Variants in RC3H1 observed in about 807,000 individuals in gnomAD.
RC3H1 encodes roquin-1.
Under a neutral mutation model 138.2 loss-of-function variants are expected in RC3H1, and 50 were observed. The ratio of observed to expected loss-of-function variants is 0.36; its 90% CI spans 0.29 to 0.46. The LOEUF is 0.46. Among genes scored for constraint, RC3H1 ranks in the 20% least tolerant of loss-of-function variants. The pLI is 1.00. For synonymous variants in RC3H1, 462 were observed against 489.1 expected (o/e 0.94, Z 0.73); for missense variants, 1,031 against 1,388.1 (o/e 0.74, Z 4.09).
intron 1 of RC3H1, among the ~76,000 whole-genome samples, chr1:174,010,665 C>G (rs752462523): frequency 8.6e-6 from 1 of 116,066 alleles, no homozygotes. Context: ...CCTCCTGCCT[C>G]GGCCTCCCAG....
At chr1:174,005,891 G>A (rs1372029925) in intron 1 of RC3H1, among the ~76,000 whole-genome samples, 1 of 152,084 alleles carries the variant, frequency 6.6e-6, no homozygotes, top group Non-Finnish European at 1.5e-5. Flanking sequence ...GATGTTGTTA[G>A]TCCTTACTGG....
At chr1:173,940,646 C>CT (rs11447877) in intron 19 of RC3H1, among the ~76,000 whole-genome samples, 42,629 of 149,248 alleles carry the variant, frequency 0.29, 10,717 homozygotes, top group African/African-American at 0.68. Context: ...TTTGTTTTTT[C>CT]TTTTTTTTTA....
rs546917589 is a variant in RC3H1, at chr1:173,967,485, T to C, written c.1335-2365A>G. Among the ~76,000 whole-genome samples the C allele has an allele frequency of 3.3e-5, 5 of 152,344 alleles. No homozygotes were observed. In the East Asian group the frequency reaches 7.7e-4, roughly 23 times the overall value. On this transcript the variant is annotated intron_variant, in intron 9 of 19. Coordinates refer to ENST00000367696, the MANE Select transcript of RC3H1 (RefSeq NM_172071.4). ...TACTGATCATGAAGAAAAACGTCTT[T>C]CAAAACCTCATCAAATACTGGGTAG...
At chr1:173,946,031 T>C (rs1249092615) in intron 17 of RC3H1, among the ~76,000 whole-genome samples, 1 of 152,048 alleles carries the variant, frequency 6.6e-6, no homozygotes, top group Admixed American at 6.5e-5. Context: ...TCGCTGAGTA[T>C]GGTGGTGTAC....
chr1:174,005,612 A>G (rs1661640067), intron 1 of RC3H1, among the ~76,000 whole-genome samples: 1 of 152,158 alleles, frequency 6.6e-6, no homozygotes, highest in African/African-American at 2.4e-5. Flanking sequence ...CAAACACAAC[A>G]TGCCTAAATT....
chr1:173,962,768 T>A (rs1033149467), intron 11 of RC3H1, among the ~76,000 whole-genome samples: 1 of 152,216 alleles, frequency 6.6e-6, no homozygotes, highest in African/African-American at 2.4e-5. Context: ...CTGCTTAATA[T>A]AGCTAAAATA....
chr1:173,937,528 A>C lies in RC3H1; in HGVS notation c.*1193T>G, dbSNP rs999027855. Reference sequence around the variant, plus strand: ...TATGTGCAGCAGAATTAAAAAAAAAAAAAACCTTACTCTTTTCAATATTTT... The same window carrying C: ...TATGTGCAGCAGAATTAAAAAAAAACAAAACCTTACTCTTTTCAATATTTT... On this transcript the variant is annotated 3_prime_UTR_variant, in exon 20 of 20. Coordinates refer to ENST00000367696, the MANE Select transcript of RC3H1 (RefSeq NM_172071.4). 14 of 152,636 alleles carry C rather than the reference A, an allele frequency of 9.2e-5. No individual in the cohort carries two copies. Among genetic ancestry groups the C allele is most frequent in the African/African-American group, 3.1e-4 (13 of 41,562 alleles). The allele number at this position is 152,636 out of a possible 1,614,324, so 9.5% of individuals were successfully genotyped here. A position where few individuals can be genotyped will look rare whatever the true frequency, so the allele number is the denominator to read the frequency against.
chr1:173,997,244 A>G (rs549983410), intron 1 of RC3H1, among the ~76,000 whole-genome samples: 1 of 152,144 alleles, frequency 6.6e-6, no homozygotes, highest in Non-Finnish European at 1.5e-5. Context: ...AGACAAAAAA[A>G]CTTAATGGCA....
At chr1:173,999,962 ATAAT>A (rs1661535503) in intron 1 of RC3H1, among the ~76,000 whole-genome samples, 1 of 152,234 alleles carries the variant, frequency 6.6e-6, no homozygotes. Flanking sequence ...TTGAAACTCT[ATAAT>A]TTGTGCCACC....
intron 1 of RC3H1, among the ~76,000 whole-genome samples, chr1:174,021,290 T>C (rs571554691): frequency 3.3e-5 from 5 of 152,298 alleles, no homozygotes; most frequent in Admixed American, 6.5e-5. Flanking sequence ...TCCAGTTTCA[T>C]AGGCTATTCT....
chr1:173,976,452 C>T (rs77355879), intron 7 of RC3H1, among the ~76,000 whole-genome samples: 2 of 111,758 alleles, frequency 1.8e-5, no homozygotes, highest in Non-Finnish European at 3.8e-5. Context: ...ACTGTATCTC[C>T]AAAAAAAAAA....
rs999174182 is a variant in RC3H1 at position 173,937,269 on chromosome 1, G to C, written c.*1452C>G. On this transcript the variant is annotated 3_prime_UTR_variant, in exon 20 of 20. Transcript: ENST00000367696. ...TTGTTATGACCTCAGCAGGAGTTAA[G>C]GGTTAAGAAAATAAGAAACAAGAAA... 3 of 151,512 alleles carry C rather than the reference G, an allele frequency of 2.0e-5. No individual in the cohort carries two copies. Among genetic ancestry groups the C allele is most frequent in the African/African-American group, 7.3e-5 (3 of 41,142 alleles). The allele number at this position is 151,512 out of a possible 1,614,324, so 9.4% of individuals were successfully genotyped here. A position where few individuals can be genotyped will look rare whatever the true frequency, so the allele number is the denominator to read the frequency against.
rs534204594 is a variant in RC3H1, at chr1:173,939,369, C to T, written c.3252-498G>A. ...CCTGGCCAACATGGTGAAACCCTGT[C>T]TCTACTAAAAATACAAAAATTAGCC... On this transcript the variant is annotated intron_variant, in intron 19 of 19. Transcript: ENST00000367696. 1.8e-4 allele frequency among the ~76,000 whole-genome samples: 27 copies of T among 151,612 alleles called. No individual in the cohort carries two copies. The South Asian group carries it at 5.6e-3, about 32-fold the overall frequency.
chr1:173,953,558 A>C (rs1659507393), intron 13 of RC3H1, among the ~76,000 whole-genome samples: 1 of 152,124 alleles, frequency 6.6e-6, no homozygotes, highest in Non-Finnish European at 1.5e-5. Context: ...GGCGTGAGCT[A>C]CCATGCCTGG....
rs1571222687 is a variant in RC3H1 at position 173,984,623 on chromosome 1, G to A, written c.232-4C>T. ...TAATAGGCTGCTGCTCAGGGACCTGGAGGCCAAAAGAAAAGATCTGTATGA... is the reference window on the plus strand; with the variant it reads ...TAATAGGCTGCTGCTCAGGGACCTGAAGGCCAAAAGAAAAGATCTGTATGA... On this transcript the variant is annotated splice_region_variant and splice_polypyrimidine_tract_variant and intron_variant, in intron 2 of 19. Transcript: ENST00000367696. The A allele has an allele frequency of 6.2e-7, 1 of 1,610,382 alleles. No individual in the cohort carries two copies. The highest frequency in any genetic ancestry group is 8.5e-7 in the Non-Finnish European group (1 of 1,179,058).
rs1658703216 is a variant in RC3H1, at chr1:173,938,777, C to T, written c.3346G>A (p.Gly1116Arg). ...SLNLSEDPEG[G>R]GDNNDSQRSG... ...CTCTGGGAGTCATTATTATCCCCTC[C>T]TCCCTCAGGGTCCTCTGACAGGTTC... Residue 1116 changes from glycine (G) to arginine (R), a missense_variant, in exon 20 of 20, where the codon GGA (glycine) becomes AGA (arginine). Gly to Arg is a moderately radical substitution (Grantham distance 125). This residue lies in a region of RC3H1 where 716 missense variants were observed against 837.9 expected (regional missense o/e 0.85). Coordinates refer to ENST00000367696, the MANE Select transcript of RC3H1 (RefSeq NM_172071.4). 1 of 1,613,330 alleles carries T rather than the reference C, an allele frequency of 6.2e-7. No individual in the cohort carries two copies. Among genetic ancestry groups the T allele is most frequent in the Admixed American group, 1.7e-5 (1 of 59,990 alleles).
chr1:173,991,064 G>C (rs576738945), intron 2 of RC3H1, among the ~76,000 whole-genome samples: 1 of 151,956 alleles, frequency 6.6e-6, no homozygotes, highest in Non-Finnish European at 1.5e-5. Context: ...ACCCTGTCTC[G>C]ACTAAAAATA....
At chr1:173,999,854 T>C (rs1027199945) in intron 1 of RC3H1, among the ~76,000 whole-genome samples, 1 of 152,198 alleles carries the variant, frequency 6.6e-6, no homozygotes, top group Non-Finnish European at 1.5e-5. Flanking sequence ...ATTATGCCCA[T>C]TTTAAAGATA....
intron 2 of RC3H1, among the ~76,000 whole-genome samples, chr1:173,989,183 C>T (rs1432225307): frequency 6.6e-6 from 1 of 152,200 alleles, no homozygotes; most frequent in Non-Finnish European, 1.5e-5. Flanking sequence ...CAGGCATGTG[C>T]CATCACACCC....
Sources: gnomAD v4.1 joint callset for allele counts (sites outside exome capture counted in the v4.1 genomes callset) on GRCh38, gnomAD v4.1.1 for gene constraint, gnomAD v4.1.1 regional missense constraint, MANE v1.5 for transcripts, NCBI Gene and HGNC (gene_info 2026-07-23, HGNC 2026-07-21) for gene names.